The following RAP1GAP2 variants were observed in gnomAD, a reference collection of about 807,000 sequenced individuals.
RAP1GAP2 encodes rap1 GTPase-activating protein 2.
A neutral mutation model predicts 95.0 loss-of-function variants in RAP1GAP2; 27 were observed. The ratio of observed to expected loss-of-function variants is 0.28; its 90% CI spans 0.21 to 0.39. The LOEUF (loss-of-function observed/expected upper bound fraction) is 0.39, where lower values mean the gene tolerates loss of function less well. Ranked by LOEUF, RAP1GAP2 falls within the 10% of genes least tolerant of loss-of-function variation. The pLI, the probability that RAP1GAP2 is intolerant of heterozygous loss-of-function variation, is 1.00. For missense variants in RAP1GAP2, 771 were observed against 970.0 expected (o/e 0.79, Z 2.72); for synonymous variants, 373 against 380.9 (o/e 0.98, Z 0.24).
intron 2 of RAP1GAP2, among the ~76,000 whole-genome samples, chr17:2,850,211 A>G (rs981759092): frequency 6.6e-6 from 1 of 150,764 alleles, no homozygotes; most frequent in Non-Finnish European, 1.5e-5. Flanking sequence ...CATGTTAGCC[A>G]GGATGGTCTC....
chr17:2,894,704 C>T (rs2073829767), intron 2 of RAP1GAP2, among the ~76,000 whole-genome samples: 1 of 152,170 alleles, frequency 6.6e-6, no homozygotes, highest in African/African-American at 2.4e-5. Context: ...TTTCTGAAAC[C>T]CAGGTTACTT....
chr17:2,942,185 C>T (rs1044839607), intron 3 of RAP1GAP2, among the ~76,000 whole-genome samples: 3 of 152,124 alleles, frequency 2.0e-5, no homozygotes, highest in African/African-American at 7.2e-5. Flanking sequence ...TCTAAGTCTC[C>T]AACCCTCCAG....
intron 17 of RAP1GAP2, among the ~76,000 whole-genome samples, chr17:3,013,473 C>T (rs985621566): frequency 3.9e-5 from 6 of 152,116 alleles, no homozygotes; most frequent in African/African-American, 7.2e-5. Flanking sequence ...GCATTTGCCC[C>T]GCTAGAGGGA....
chr17:2,891,814 C>G (rs180793853), intron 2 of RAP1GAP2, among the ~76,000 whole-genome samples: 45 of 54,290 alleles, frequency 8.3e-4, no homozygotes, highest in Admixed American at 1.2e-3. Flanking sequence ...TATTTCTTTT[C>G]TTTTTTTTTT....
intron 2 of RAP1GAP2, among the ~76,000 whole-genome samples, chr17:2,872,286 G>A (rs2072877525): frequency 6.7e-6 from 1 of 148,208 alleles, no homozygotes; most frequent in Non-Finnish European, 1.5e-5. Context: ...ACAGAAAGAC[G>A]AGTTCTCCAA....
rs1243270937 is a variant in RAP1GAP2 at position 2,855,759 on chromosome 17, C to T, written c.81-49525C>T. Reference sequence around the variant, plus strand: ...TCCGGAGTAGCTGGGACTACAAGTACCCACCACCACGCCCAGCTAATTTTT... The same window carrying T: ...TCCGGAGTAGCTGGGACTACAAGTATCCACCACCACGCCCAGCTAATTTTT... On this transcript the variant is annotated intron_variant, in intron 2 of 24. Coordinates refer to ENST00000254695, the MANE Select transcript of RAP1GAP2 (RefSeq NM_015085.5). This position sits in a 1 kb window ranked among gnomAD's most constrained non-coding sequence, Gnocchi z 4.3. 6.6e-6 allele frequency among the ~76,000 whole-genome samples: 1 copy of T among 152,096 alleles called. No individual in the cohort carries two copies. Among genetic ancestry groups the T allele is most frequent in the Non-Finnish European group, 1.5e-5 (1 of 68,008 alleles).
chr17:2,984,751 T>C (rs2045494772), intron 10 of RAP1GAP2, among the ~76,000 whole-genome samples: 1 of 152,142 alleles, frequency 6.6e-6, no homozygotes, highest in South Asian at 2.1e-4. Flanking sequence ...GAATGAGTGA[T>C]ACAGAGGTTT....
chr17:2,890,548 T>G (rs929551317), intron 2 of RAP1GAP2, among the ~76,000 whole-genome samples: 1 of 152,170 alleles, frequency 6.6e-6, no homozygotes, highest in African/African-American at 2.4e-5. Context: ...AACACGCCTC[T>G]GTGCTGGGCA....
chr17:2,941,144 G>A (rs189529666), intron 3 of RAP1GAP2, among the ~76,000 whole-genome samples: 10 of 152,364 alleles, frequency 6.6e-5, no homozygotes, highest in East Asian at 3.9e-4. Context: ...GCTCACGCCT[G>A]TAATCCCAGC....
At chr17:3,026,182 C>A in intron 20 of RAP1GAP2, 61 bp downstream of exon 20, 1 of 1,410,390 alleles carries the variant, frequency 7.1e-7, no homozygotes, top group Non-Finnish European at 9.9e-7. Flanking sequence ...AACACGCCCT[C>A]TGCCTCCTGG....
intron 8 of RAP1GAP2, among the ~76,000 whole-genome samples, chr17:2,968,928 T>A (rs2044729012): frequency 6.6e-6 from 1 of 152,092 alleles, no homozygotes; most frequent in African/African-American, 2.4e-5. Context: ...ATCAGTGTGA[T>A]AAAGAGGGCT....
intron 7 of RAP1GAP2, 66 bp downstream of exon 7, chr17:2,964,134 G>A: frequency 7.0e-6 from 10 of 1,424,862 alleles, no homozygotes; most frequent in Non-Finnish European, 9.6e-6. Context: ...GGAGAGAGGA[G>A]GTACCAGGCG....
At chr17:2,863,519 G>A (rs757787914) in intron 2 of RAP1GAP2, among the ~76,000 whole-genome samples, 2 of 152,142 alleles carry the variant, frequency 1.3e-5, no homozygotes, top group African/African-American at 2.4e-5. Context: ...CAGGAGTTGC[G>A]GGGGGCCTGT....
intron 2 of RAP1GAP2, among the ~76,000 whole-genome samples, chr17:2,881,216 G>A (rs941481431): frequency 5.3e-5 from 8 of 151,678 alleles, no homozygotes; most frequent in African/African-American, 1.7e-4. Context: ...AGCCGAGATC[G>A]TGCCACTGCA....
At chr17:2,991,564 C>G (rs1597813006) in intron 12 of RAP1GAP2, among the ~76,000 whole-genome samples, 167 bp downstream of exon 12, 1 of 150,380 alleles carries the variant, frequency 6.6e-6, no homozygotes, top group Admixed American at 6.6e-5. Flanking sequence ...ATCAGGGGTC[C>G]AAGGAGTGAT....
intron 2 of RAP1GAP2, among the ~76,000 whole-genome samples, chr17:2,830,752 T>G (rs2070794084): frequency 6.6e-6 from 1 of 151,792 alleles, no homozygotes. Flanking sequence ...AAAAAAAGAT[T>G]TTGAACAGTA....
At chr17:2,763,541 C>T (rs371025966) in intron 1 of RAP1GAP2, among the ~76,000 whole-genome samples, 14 of 152,038 alleles carry the variant, frequency 9.2e-5, no homozygotes, top group Admixed American at 7.2e-4. Flanking sequence ...ACTAAAAATG[C>T]ACAAATTAGC....
At chr17:2,772,732 G>A (rs987927106), upstream of RAP1GAP2, among the ~76,000 whole-genome samples, 8 of 152,144 alleles carry the variant, frequency 5.3e-5, no homozygotes, top group African/African-American at 1.9e-4. Context: ...GAGGCACAGA[G>A]GTTAAGTTAC....
chr17:3,012,774 C>T (rs1228248652), intron 17 of RAP1GAP2, among the ~76,000 whole-genome samples: 1 of 151,988 alleles, frequency 6.6e-6, no homozygotes, highest in Non-Finnish European at 1.5e-5. Context: ...GGGAGTCTTG[C>T]GAGAACAGCT....
Sources: gnomAD v4.1 joint callset for allele counts (sites outside exome capture counted in the v4.1 genomes callset) on GRCh38, gnomAD v4.1.1 for gene constraint, Gnocchi (gnomAD v3.1) non-coding constraint, MANE v1.5 for transcripts, NCBI Gene and HGNC (gene_info 2026-07-23, HGNC 2026-07-21) for gene names.